The following OTOP1 variants were observed in gnomAD, a reference collection of about 807,000 sequenced individuals.
The protein encoded by OTOP1 is proton channel OTOP1.
Under a neutral mutation model 52.9 loss-of-function variants are expected in OTOP1, and 59 were observed. That is an observed-to-expected ratio of 1.12 (90% CI 0.91 to 1.39). OTOP1 has a LOEUF of 1.39. OTOP1 is among the 40% of genes most tolerant of loss of function. The pLI, the probability that OTOP1 is intolerant of heterozygous loss-of-function variation, is 0.00. For synonymous variants in OTOP1, 317 were observed against 337.7 expected, an observed-to-expected ratio of 0.94 and a Z score of 0.67; for missense variants, 761 against 800.9, an observed-to-expected ratio of 0.95 and a Z score of 0.60.
At chr4:4,200,425 G>A (rs149653630) in intron 4 of OTOP1, among the ~76,000 whole-genome samples, 222 of 148,786 alleles carry the variant, frequency 1.5e-3, no homozygotes, top group African/African-American at 5.3e-3. Flanking sequence ...GCAGTGATCC[G>A]AGACCATGCC....
intron 5 of OTOP1, among the ~76,000 whole-genome samples, chr4:4,195,536 C>A (rs902371121): frequency 2.0e-5 from 3 of 152,200 alleles, no homozygotes; most frequent in African/African-American, 7.2e-5. Flanking sequence ...ATGCCTGGTG[C>A]AGCTGCAGCC....
chr4:4,223,445 G>GGATC (rs397785421), intron 1 of OTOP1, among the ~76,000 whole-genome samples: 3 of 140,540 alleles, frequency 2.1e-5, no homozygotes, highest in African/African-American at 8.2e-5. Context: ...ATGGATGGAT[G>GGATC]ATGAATAAGT....
intron 5 of OTOP1, among the ~76,000 whole-genome samples, chr4:4,195,013 CCTAT>C (rs990389714): frequency 3.3e-5 from 5 of 152,168 alleles, no homozygotes; most frequent in African/African-American, 9.7e-5. Flanking sequence ...TGCTTCTGGC[CCTAT>C]CTGTCTCCAT....
At chr4:4,203,185 CAAG>C (rs1417716280) in intron 3 of OTOP1, among the ~76,000 whole-genome samples, 1 of 152,230 alleles carries the variant, frequency 6.6e-6, no homozygotes, top group Admixed American at 6.5e-5. Context: ...ACAAAAGAAA[CAAG>C]AATAAGAAAA....
chr4:4,225,532 G>T (rs1717408775), intron 1 of OTOP1, among the ~76,000 whole-genome samples: 1 of 137,040 alleles, frequency 7.3e-6, no homozygotes, highest in African/African-American at 2.8e-5. Flanking sequence ...TTGTGCCACT[G>T]CACTCCAGCC....
intron 1 of OTOP1, among the ~76,000 whole-genome samples, chr4:4,216,362 G>A (rs954496970): frequency 2.4e-4 from 36 of 152,220 alleles, no homozygotes; most frequent in African/African-American, 8.4e-4. Context: ...ACTTGGTCAA[G>A]TCAGAGTTCC....
At chr4:4,225,645 G>A (rs1717413352) in intron 1 of OTOP1, among the ~76,000 whole-genome samples, 1 of 150,966 alleles carries the variant, frequency 6.6e-6, no homozygotes, top group African/African-American at 2.4e-5. Context: ...ATGCCTGTGA[G>A]TACCAGCAGG....
chr4:4,206,332 C>T (rs994808048), intron 2 of OTOP1, among the ~76,000 whole-genome samples: 4 of 152,108 alleles, frequency 2.6e-5, no homozygotes, highest in African/African-American at 9.7e-5. Flanking sequence ...TAAAGTGAGG[C>T]CTCTTGGTTC....
rs1716664735 is a variant in OTOP1, at chr4:4,197,407, G to A, written c.1427C>T (p.Ser476Phe). The A allele has an allele frequency of 1.2e-6, 2 of 1,614,144 alleles. No homozygotes were observed. Among genetic ancestry groups the A allele is most frequent in the Non-Finnish European group, 1.7e-6 (2 of 1,180,034 alleles). ...CACACCTCCACTCTTGGGGCAGGAA[G>A]AAGCAAGGGGCATGGTGTTGCCATT... is the stretch of plus-strand genomic sequence containing the variant. Reference protein sequence around the residue: ...VCNGNTMPLASSCPKSGGVAR... With the variant: ...VCNGNTMPLAFSCPKSGGVAR... The change falls in exon 5 of 6, where the codon TCT (serine) becomes TTT (phenylalanine). Residue 476 changes from serine (S) to phenylalanine (F), a missense_variant. This residue lies in a region of OTOP1 where 632 missense variants were observed against 619.5 expected (regional missense o/e 1.02). Transcript: ENST00000296358.
In OTOP1 at chr4:4,206,780, C is replaced by T. The variant is rs1421274490; in HGVS notation, c.541-650G>A. Among the ~76,000 whole-genome samples the T allele has an allele frequency of 2.0e-5, 3 of 152,168 alleles. No homozygotes were observed. In the South Asian group the frequency reaches 6.2e-4, roughly 32 times the overall value. On this transcript the variant is annotated intron_variant, in intron 2 of 5. Coordinates refer to ENST00000296358, the MANE Select transcript of OTOP1 (RefSeq NM_177998.3). ...GAATCTGTTTTCCCACAGGAACTTA[C>T]CCTAGAGGATGTTGTGAGCAATTAA...
At chr4:4,189,016 C>T (rs767538598) in intron 5 of OTOP1, 43 bp from the exon 6 acceptor site, 6 of 1,580,694 alleles carry the variant, frequency 3.8e-6, no homozygotes, top group South Asian at 3.5e-5. Flanking sequence ...GAGCAGCTTC[C>T]AAGCCACCAC....
rs773718130 is a variant in OTOP1 at position 4,202,498 on chromosome 4, T to C, written c.680A>G (p.Asn227Ser). 6.8e-6 allele frequency: 11 copies of C among 1,614,118 alleles called. No homozygotes were observed. Among genetic ancestry groups the C allele is most frequent in the South Asian group, 4.4e-5 (4 of 91,090 alleles). The change falls in exon 4 of 6, where the codon AAT becomes AGT. Residue 227 changes from asparagine (N) to serine (S), a missense_variant. By Grantham distance (46) the Asn-to-Ser change is conservative. Transcript: ENST00000296358. The part of the protein sequence containing the change: ...GVLNESKHQL[N>S]EHKERLITLG... ...AGTGATGAGCCGTTCCTTGTGCTCA[T>C]TGAGTTGGTGCTTTGACTCATTGAG...
chr4:4,205,962 G>A, intron 3 of OTOP1, 110 bp downstream of exon 3: 1 of 920,090 alleles, frequency 1.1e-6, no homozygotes, highest in Non-Finnish European at 1.7e-6. Flanking sequence ...TCAGGACTGA[G>A]GGGAGAGTTG....
rs1305529933 is a variant in OTOP1 at position 4,192,170 on chromosome 4, A to G, written c.1669-3197T>C. On this transcript the variant is annotated intron_variant, in intron 5 of 5. Transcript: ENST00000296358. ...TAGGAGACAGGCAGCTTCCAGTTCA[A>G]TCTTTTGGAGGGTTGGCTCTGGGGC... 7.9e-5 allele frequency among the ~76,000 whole-genome samples: 12 copies of G among 152,266 alleles called. No homozygotes were observed. The East Asian group carries it at 2.3e-3, about 29-fold the overall frequency.
chr4:4,212,932 G>C lies in OTOP1; in HGVS notation c.476C>G (p.Ser159Ter), dbSNP rs756486845. The C allele has an allele frequency of 6.2e-6, 10 of 1,613,918 alleles. No individual in the cohort carries two copies. In the Admixed American group the frequency reaches 6.7e-5, roughly 11 times the overall value. ...TCCTTCAGTGGCTGATAAACATTCTGAAAATCCAATGAAGTATCCAATTTT... is the reference window on the plus strand; with the variant it reads ...TCCTTCAGTGGCTGATAAACATTCTCAAAATCCAATGAAGTATCCAATTTT... ...CLKIGYFIGFSECLSATEGVF... is the reference protein window; with the variant it reads ...CLKIGYFIGF Residue 159 changes from serine to a stop codon, truncating the protein, a stop_gained, in exon 2 of 6, where the codon TCA becomes TGA. Coordinates refer to ENST00000296358, the MANE Select transcript of OTOP1 (RefSeq NM_177998.3). LOFTEE classifies it high-confidence loss of function.
intron 1 of OTOP1, among the ~76,000 whole-genome samples, chr4:4,219,808 CGTGTATAT>C (rs1717238056): frequency 7.0e-6 from 1 of 143,284 alleles, no homozygotes; most frequent in African/African-American, 2.5e-5. Flanking sequence ...AATATATATA[CGTGTATAT>C]ATGTATACAT....
At chr4:4,216,481 G>A (rs949535494) in intron 1 of OTOP1, among the ~76,000 whole-genome samples, 1 of 152,172 alleles carries the variant, frequency 6.6e-6, no homozygotes, top group African/African-American at 2.4e-5. Context: ...CAGAGAGGAG[G>A]GCATGAGCCA....
intron 1 of OTOP1, among the ~76,000 whole-genome samples, chr4:4,215,009 T>C (rs1263527653): frequency 1.3e-5 from 2 of 152,276 alleles, no homozygotes; most frequent in East Asian, 1.9e-4. Context: ...AGCCCAGGCA[T>C]GGTGGCTCAT....
At chr4:4,218,817 T>C (rs1216173265) in intron 1 of OTOP1, among the ~76,000 whole-genome samples, 3 of 151,954 alleles carry the variant, frequency 2.0e-5, no homozygotes, top group African/African-American at 7.3e-5. Context: ...TAGTCCCAGC[T>C]ACTTAGGAGG....
Sources: gnomAD v4.1 joint callset for allele counts (sites outside exome capture counted in the v4.1 genomes callset) on GRCh38, gnomAD v4.1.1 for gene constraint, gnomAD v4.1.1 regional missense constraint, MANE v1.5 for transcripts, NCBI Gene and HGNC (gene_info 2026-07-23, HGNC 2026-07-21) for gene names.